The following PTPRF variants were observed in gnomAD, a reference collection of about 807,000 sequenced individuals.
PTPRF encodes the protein receptor-type tyrosine-protein phosphatase F.
In PTPRF, 59 loss-of-function variants were observed where a neutral mutation model predicts 201.8. That is an observed-to-expected ratio of 0.29 (90% CI 0.24 to 0.36). PTPRF has a LOEUF of 0.36. Among genes scored for constraint, PTPRF ranks in the 10% least tolerant of loss-of-function variants. The probability of loss-of-function intolerance (pLI) is 1.00; values close to 1 mark genes in which losing one functional copy is unlikely to be tolerated. For synonymous variants in PTPRF, 1,088 were observed against 1,089.7 expected (o/e 1.00, Z 0.03); for missense variants, 2,132 against 2,690.5 (o/e 0.79, Z 4.59).
At chr1:43,565,897 A>T (rs886668031) in intron 5 of PTPRF, among the ~76,000 whole-genome samples, 1 of 152,166 alleles carries the variant, frequency 6.6e-6, no homozygotes, top group African/African-American at 2.4e-5. Flanking sequence ...CCGCCGCTCC[A>T]CCGTCGCCAT....
At chr1:43,571,473 C>G (rs1017439809) in intron 6 of PTPRF, among the ~76,000 whole-genome samples, 27 of 152,250 alleles carry the variant, frequency 1.8e-4, no homozygotes. Context: ...TCTGGTCACC[C>G]TGACCAGTGG....
At chr1:43,545,289 C>T in intron 3 of PTPRF, 123 bp downstream of exon 3, 3 of 1,025,148 alleles carry the variant, frequency 2.9e-6, no homozygotes, top group South Asian at 1.6e-5. Flanking sequence ...ACCCTTTAGA[C>T]CTTCTGTCCT....
At chr1:43,576,925 C>CTTCACCT (rs1180769919) in intron 6 of PTPRF, among the ~76,000 whole-genome samples, 1 of 152,216 alleles carries the variant, frequency 6.6e-6, no homozygotes, top group African/African-American at 2.4e-5. Flanking sequence ...CTGGCTCTTG[C>CTTCACCT]TTCACCTGGG....
intron 16 of PTPRF, among the ~76,000 whole-genome samples, chr1:43,604,434 A>G (rs1435284884): frequency 6.6e-6 from 1 of 151,850 alleles, no homozygotes; most frequent in Non-Finnish European, 1.5e-5. Flanking sequence ...ACCTTGACCC[A>G]CTGATCTCTT....
chr1:43,598,101 C>T, intron 12 of PTPRF, 48 bp downstream of exon 12: 2 of 1,430,736 alleles, frequency 1.4e-6, no homozygotes, highest in South Asian at 1.5e-5. Flanking sequence ...GCCTCAGACA[C>T]CACCCACCAA....
Position 43,598,308 on chromosome 1 carries a change from G to A in PTPRF, c.2119+255G>A, listed in dbSNP as rs1287847020. 6 of 491,974 alleles carry A rather than the reference G, an allele frequency of 1.2e-5. No homozygotes were observed. The East Asian group carries it at 1.6e-4, about 13-fold the overall frequency. 30.5% of individuals were successfully genotyped at this position (491,974 alleles called of 1,614,324 possible). ...AAGCAGCCCTGTCTAAGATTTGAAA[G>A]GTCAAGATTGGGCAGATTGGTGTAA... On this transcript the variant is annotated intron_variant, in intron 12 of 33. Transcript: ENST00000359947.
intron 19 of PTPRF, 97 bp downstream of exon 19, chr1:43,605,719 C>A (rs922134885): frequency 1.7e-6 from 2 of 1,187,324 alleles, no homozygotes; most frequent in Non-Finnish European, 2.5e-6. Flanking sequence ...CTCAGATTCA[C>A]TCCCCAAATT....
chr1:43,612,664 C>T (rs1042368878), intron 22 of PTPRF: 1 of 1,084,384 alleles, frequency 9.2e-7, no homozygotes, highest in Non-Finnish European at 1.3e-6. Context: ...GCCCGCTCGG[C>T]ACCTCCACTG....
upstream of PTPRF, among the ~76,000 whole-genome samples, chr1:43,524,824 T>C (rs1643050160): frequency 6.6e-6 from 1 of 152,146 alleles, no homozygotes; most frequent in African/African-American, 2.4e-5. Flanking sequence ...CAAGGTCCCA[T>C]CTGACAGCGA....
chr1:43,529,067 AGT>A (rs1243915326), upstream of PTPRF, among the ~76,000 whole-genome samples: 3 of 152,192 alleles, frequency 2.0e-5, no homozygotes, highest in Admixed American at 6.5e-5. Context: ...TTGGCTGAAA[AGT>A]ATACTTTTAA....
At chr1:43,616,589 C>T (rs564001553) in intron 23 of PTPRF, among the ~76,000 whole-genome samples, 56 of 151,882 alleles carry the variant, frequency 3.7e-4, no homozygotes, top group African/African-American at 1.2e-3. Context: ...TGGTGGAGGC[C>T]GGAGGAATTT....
chr1:43,600,073 C>A (rs1653365941), intron 13 of PTPRF, among the ~76,000 whole-genome samples: 2 of 152,224 alleles, frequency 1.3e-5, no homozygotes, highest in African/African-American at 4.8e-5. Flanking sequence ...AAGCAAAATT[C>A]TTTCTGCCCA....
At chr1:43,523,902 A>G (rs1472896833), upstream of PTPRF, among the ~76,000 whole-genome samples, 2 of 149,052 alleles carry the variant, frequency 1.3e-5, no homozygotes, top group Non-Finnish European at 3.0e-5. Flanking sequence ...AAAAAAAAAA[A>G]GGAAAAAAAA....
intron 8 of PTPRF, among the ~76,000 whole-genome samples, chr1:43,589,309 G>C (rs912181877): frequency 6.6e-6 from 1 of 151,834 alleles, no homozygotes; most frequent in Non-Finnish European, 1.5e-5. Context: ...TTCCATTTTT[G>C]AAACGAGGGA....
At chr1:43,584,023 G>C (rs918144268) in intron 7 of PTPRF, among the ~76,000 whole-genome samples, 3 of 152,224 alleles carry the variant, frequency 2.0e-5, no homozygotes, top group Non-Finnish European at 4.4e-5. Context: ...CTCAGCCACA[G>C]GTTAGGAAGG....
At chr1:43,612,043 A>T (rs1244682002) in intron 22 of PTPRF, among the ~76,000 whole-genome samples, 1 of 152,164 alleles carries the variant, frequency 6.6e-6, no homozygotes, top group Non-Finnish European at 1.5e-5. Flanking sequence ...TTAAGGAAAG[A>T]TGGATGGAGA....
intron 5 of PTPRF, among the ~76,000 whole-genome samples, chr1:43,569,125 A>T (rs1310884126): frequency 6.6e-6 from 1 of 152,146 alleles, no homozygotes; most frequent in Non-Finnish European, 1.5e-5. Context: ...GATGAAGGGA[A>T]CACTGTGTGT....
intron 12 of PTPRF, 180 bp downstream of exon 12, chr1:43,598,233 T>C: frequency 1.6e-6 from 1 of 613,260 alleles, no homozygotes. Flanking sequence ...AATCCCAGCC[T>C]TTGGGGCTGT....
At chr1:43,551,727 C>T (rs143290017) in intron 3 of PTPRF, among the ~76,000 whole-genome samples, 25 of 152,272 alleles carry the variant, frequency 1.6e-4, no homozygotes, top group Admixed American at 9.2e-4. Context: ...TATGGGATTG[C>T]GGTAAGACTG....
Sources: gnomAD v4.1 joint callset for allele counts (sites outside exome capture counted in the v4.1 genomes callset) on GRCh38, gnomAD v4.1.1 for gene constraint, MANE v1.5 for transcripts, NCBI Gene and HGNC (gene_info 2026-07-23, HGNC 2026-07-21) for gene names.